Variants in VAV2 observed in about 807,000 individuals in gnomAD.
VAV2 encodes vav guanine nucleotide exchange factor 2.
Under a neutral mutation model 132.5 loss-of-function variants are expected in VAV2, and 67 were observed. The ratio of observed to expected loss-of-function variants is 0.51; its 90% confidence interval spans 0.42 to 0.62. The LOEUF (loss-of-function observed/expected upper bound fraction) is 0.62, where lower values mean the gene tolerates loss of function less well. Ranked by LOEUF, VAV2 falls within the 20% of genes least tolerant of loss-of-function variation. VAV2 has a pLI of 0.00. For synonymous variants in VAV2, 492 were observed against 443.5 expected (o/e 1.11, Z -1.37); for missense variants, 938 against 1,153.6 (o/e 0.81, Z 2.71).
At position 133,770,388 on chromosome 9, in the gene VAV2, G is replaced by GCTGGAGGCC; in HGVS notation, c.2328_2336dup (p.Arg776_Ser778dup). The GCTGGAGGCC allele has an allele frequency of 6.2e-7, 1 of 1,614,032 alleles. No homozygotes were observed. The highest frequency in any genetic ancestry group is 2.2e-5 in the East Asian group (1 of 44,884). ...GGGCCGGGGCGTTACCTGGGGACCG[G>GCTGGAGGCC]CTGGAGGCCCTGGAGGCCGAACGTT... On this transcript the variant is annotated inframe_insertion, in exon 27 of 30. Transcript: ENST00000371850.
intron 1 of VAV2, among the ~76,000 whole-genome samples, chr9:133,986,014 G>A (rs1842847306): frequency 6.6e-6 from 1 of 152,074 alleles, no homozygotes; most frequent in South Asian, 2.1e-4. Flanking sequence ...GAGATGAGCA[G>A]AGAAGGACAA....
chr9:133,811,990 C>T, intron 5 of VAV2, 124 bp downstream of exon 5: 1 of 955,964 alleles, frequency 1.0e-6, no homozygotes, highest in Non-Finnish European at 1.6e-6. Context: ...CGTCCCCCTG[C>T]ACCCAGAGCA....
chr9:133,867,239 C>T (rs1461766153), intron 2 of VAV2, among the ~76,000 whole-genome samples: 2 of 152,226 alleles, frequency 1.3e-5, no homozygotes, highest in African/African-American at 4.8e-5. Context: ...AGCATCAAGG[C>T]TCAACACCCA....
At chr9:133,966,477 G>A (rs1306854467) in intron 1 of VAV2, among the ~76,000 whole-genome samples, 2 of 152,226 alleles carry the variant, frequency 1.3e-5, no homozygotes, top group Non-Finnish European at 2.9e-5. Flanking sequence ...AGGCCGAGGC[G>A]GGAAGATGGC....
intron 2 of VAV2, among the ~76,000 whole-genome samples, chr9:133,866,493 T>G (rs76568369): frequency 0.039 from 5,915 of 152,160 alleles, 352 homozygotes; most frequent in African/African-American, 0.13. Flanking sequence ...TGGGGGCAAC[T>G]GCGCTGCGAT....
Position 133,940,668 on chromosome 9 carries a change from C to CATGCGTGTGT in VAV2, c.205-1450_205-1449insACACACGCAT, listed in dbSNP as rs1168466104. Among the ~76,000 whole-genome samples the CATGCGTGTGT allele has an allele frequency of 7.6e-3, 445 of 58,794 alleles. 1 individual carries two copies. The highest frequency in any genetic ancestry group is 0.015 in the Admixed American group (70 of 4,764). 38.6% of individuals were successfully genotyped at this position (58,794 alleles called of 152,430 possible). On this transcript the variant is annotated intron_variant, in intron 1 of 29. Transcript: ENST00000371850. The stretch of plus-strand genomic sequence containing the variant: ...TTATCCTAGAGTCCCTCTCTGTCCA[C>CATGCGTGTGT]GTGCGTGTGTGTGTGTGTGTGTGTG...
At chr9:133,859,742 AAAAC>A (rs1837525172) in intron 3 of VAV2, among the ~76,000 whole-genome samples, 1 of 152,204 alleles carries the variant, frequency 6.6e-6, no homozygotes, top group African/African-American at 2.4e-5. Flanking sequence ...TCTGGAAACA[AAAAC>A]AAACAAAAAA....
intron 2 of VAV2, among the ~76,000 whole-genome samples, chr9:133,890,190 G>A (rs781590138): frequency 7.9e-5 from 12 of 152,142 alleles, no homozygotes; most frequent in Non-Finnish European, 1.2e-4. Flanking sequence ...CCACACAGCC[G>A]AGACTCCAGG....
intron 2 of VAV2, among the ~76,000 whole-genome samples, chr9:133,896,121 G>A (rs1839191843): frequency 1.2e-5 from 1 of 83,176 alleles, no homozygotes; most frequent in Non-Finnish European, 2.5e-5. Flanking sequence ...AGATTAGGGA[G>A]TGGTGATGAC....
At position 133,926,425 on chromosome 9, in the gene VAV2, C is replaced by A. The variant is rs1006785231; in HGVS notation, c.321+12678G>T. On this transcript the variant is annotated intron_variant, in intron 2 of 29. Coordinates refer to ENST00000371850, the MANE Select transcript of VAV2 (RefSeq NM_001134398.2). The surrounding 1 kb of genome is among the most constrained non-coding windows in gnomAD (Gnocchi z 4.3). ...AAGTTATTATTACTAATTCCAACAA[C>A]CTGGCTTGCAGCTTTAGATCGTGGG... is the stretch of plus-strand genomic sequence containing the variant. The A allele has an allele frequency of 6.6e-6, 1 of 152,322 alleles. No individual in the cohort carries two copies. The highest frequency in any genetic ancestry group is 1.9e-4 in the East Asian group (1 of 5,200). 9.4% of individuals were successfully genotyped at this position (152,322 alleles called of 1,614,324 possible).
rs1838636837 is a variant in VAV2, at chr9:133,884,797, C to G, written c.322-23365G>C. On this transcript the variant is annotated intron_variant, in intron 2 of 29. Coordinates refer to ENST00000371850, the MANE Select transcript of VAV2 (RefSeq NM_001134398.2). The surrounding 1 kb of genome is among the most constrained non-coding windows in gnomAD (Gnocchi z 5.3). ...GTGAGAATGCTGGTAGGGAGCAGAA[C>G]CAAACACCCAGGGAAGGAAGCACCA... 6.6e-6 allele frequency among the ~76,000 whole-genome samples: 1 copy of G among 152,140 alleles called. No individual in the cohort carries two copies. Among genetic ancestry groups the G allele is most frequent in the Admixed American group, 6.6e-5 (1 of 15,262 alleles).
rs1029361691 is a variant in VAV2, at chr9:133,834,872, A to G, written c.381-532T>C. On this transcript the variant is annotated intron_variant, in intron 3 of 29. Transcript: ENST00000371850. The surrounding 1 kb of genome is among the most constrained non-coding windows in gnomAD (Gnocchi z 5.9). The stretch of plus-strand genomic sequence containing the variant: ...ACCCACCAGCCACTGGCTTGAGGTC[A>G]GGAAGAGAGTCCCGAAAATGAAAAG... Among the ~76,000 whole-genome samples, 4 of 152,134 alleles carry G rather than the reference A, an allele frequency of 2.6e-5. No homozygotes were observed. The highest frequency in any genetic ancestry group is 5.9e-5 in the Non-Finnish European group (4 of 68,014).
rs774420714 is a variant in VAV2 at position 133,810,253 on chromosome 9, C to T, written c.553-48G>A. On this transcript the variant is annotated intron_variant, in intron 5 of 29. Coordinates refer to ENST00000371850, the MANE Select transcript of VAV2 (RefSeq NM_001134398.2). ...AGAAACAGCGCCGGTTAGCAGGGCC[C>T]ACACTGTCCTGGCAAGCTGGGCCTG... 6 of 1,611,806 alleles carry T rather than the reference C, an allele frequency of 3.7e-6. No homozygotes were observed. The Admixed American group carries it at 6.7e-5, about 18-fold the overall frequency.
chr9:133,952,971 G>C lies in VAV2; in HGVS notation c.205-13752C>G, dbSNP rs931107262. Among the ~76,000 whole-genome samples the C allele has an allele frequency of 1.4e-3, 199 of 143,026 alleles. 9 individuals carry two copies. The East Asian group carries it at 0.026, about 18-fold the overall frequency. The allele number at this position is 143,026 out of a possible 152,430, so 93.8% of individuals were successfully genotyped here. ...AGAACCTGGAGGGAGCATGGCCCCC[G>C]GGACACCTAGAACCTGGAGGGAGCA... On this transcript the variant is annotated intron_variant, in intron 1 of 29. Transcript: ENST00000371850.
rs573711983 is a variant in VAV2, at chr9:133,991,133, G to A, written c.204+942C>T. Reference sequence around the variant, plus strand: ...GCGCGCGGTGAGGGGCTGCTGAGCTGGCTGGAAGACCGCACCTCCTCGGCG... The same window carrying A: ...GCGCGCGGTGAGGGGCTGCTGAGCTAGCTGGAAGACCGCACCTCCTCGGCG... On this transcript the variant is annotated intron_variant, in intron 1 of 29. Transcript: ENST00000371850. The surrounding 1 kb of genome is among the most constrained non-coding windows in gnomAD (Gnocchi z 4.8). Among the ~76,000 whole-genome samples, 5 of 152,226 alleles carry A rather than the reference G, an allele frequency of 3.3e-5. No homozygotes were observed. In the East Asian group the frequency reaches 9.7e-4, roughly 29 times the overall value.
intron 18 of VAV2, among the ~76,000 whole-genome samples, chr9:133,783,903 C>T (rs1258918362): frequency 8.9e-6 from 1 of 112,004 alleles, no homozygotes; most frequent in Non-Finnish European, 1.7e-5. Flanking sequence ...TTTTTGGAGA[C>T]AGGGTCTCAC....
chr9:133,786,791 T>C (rs1223011885), intron 16 of VAV2, among the ~76,000 whole-genome samples: 1 of 151,870 alleles, frequency 6.6e-6, no homozygotes, highest in East Asian at 1.9e-4. Context: ...GAAAAAAGAG[T>C]TTGGCAAATA....
At chr9:133,844,708 C>G (rs1836861440) in intron 3 of VAV2, among the ~76,000 whole-genome samples, 1 of 152,232 alleles carries the variant, frequency 6.6e-6, no homozygotes, top group East Asian at 1.9e-4. Context: ...GCCTGGGGAC[C>G]CTCGGCCGAG....
intron 13 of VAV2, among the ~76,000 whole-genome samples, chr9:133,791,015 G>A (rs1834435957): frequency 6.6e-6 from 1 of 152,168 alleles, no homozygotes; most frequent in Non-Finnish European, 1.5e-5. Context: ...CTGGTGGGTG[G>A]CAGGCAGGTA....
Sources: allele counts gnomAD v4.1 joint callset (sites outside exome capture counted in the v4.1 genomes callset), GRCh38; gene constraint gnomAD v4.1.1; non-coding constraint Gnocchi (gnomAD v3.1); transcripts MANE v1.5; gene names NCBI Gene and HGNC (gene_info 2026-07-23, HGNC 2026-07-21).